Variants in VEPH1 observed in about 807,000 individuals in gnomAD.
The protein encoded by VEPH1 is ventricular zone expressed PH domain containing 1.
In VEPH1, 80 loss-of-function variants were observed where a neutral mutation model predicts 85.2. The ratio of observed to expected loss-of-function variants is 0.94; its 90% confidence interval spans 0.78 to 1.13. VEPH1 has a LOEUF of 1.13. Ranked by LOEUF, VEPH1 falls within the 50% of genes most tolerant of loss-of-function variation. The pLI is 0.00. For synonymous variants in VEPH1, 297 were observed against 348.0 expected (o/e 0.85, Z 1.63); for missense variants, 955 against 980.5 (o/e 0.97, Z 0.35).
chr3:157,481,891 T>C (rs763323073), intron 2 of VEPH1, among the ~76,000 whole-genome samples: 1 of 149,294 alleles, frequency 6.7e-6, no homozygotes, highest in African/African-American at 2.5e-5. Context: ...AAAACATTGC[T>C]AAGTTTTTGA....
At chr3:157,425,173 ACAACTT>A (rs1732660923) in intron 5 of VEPH1, among the ~76,000 whole-genome samples, 1 of 152,246 alleles carries the variant, frequency 6.6e-6, no homozygotes, top group Admixed American at 6.5e-5. Flanking sequence ...CCAAGCCTTT[ACAACTT>A]CCATGTGGTG....
At chr3:157,355,120 G>T (rs58287058) in intron 9 of VEPH1, among the ~76,000 whole-genome samples, 224 of 152,260 alleles carry the variant, frequency 1.5e-3, no homozygotes, top group African/African-American at 4.9e-3. Flanking sequence ...CTTCTCCAGG[G>T]AAGCTACTTT....
rs142080273 is a variant in VEPH1, at chr3:157,284,287, A to T, written c.2128+2270T>A. 2.0e-4 allele frequency among the ~76,000 whole-genome samples: 30 copies of T among 152,324 alleles called. No individual in the cohort carries two copies. The East Asian group carries it at 5.2e-3, about 26-fold the overall frequency. ...AAAGAAGTATGCTAGATTTTTTCGA[A>T]TACACCTTTTGGCTCTAACTGGATT... On this transcript the variant is annotated intron_variant, in intron 12 of 13. Transcript: ENST00000362010.
chr3:157,376,127 C>G (rs771855187), intron 7 of VEPH1, among the ~76,000 whole-genome samples: 1 of 152,134 alleles, frequency 6.6e-6, no homozygotes, highest in East Asian at 1.9e-4. Flanking sequence ...TCCTCTCTCC[C>G]TATCTTTTCT....
chr3:157,346,070 C>T (rs538844114), intron 9 of VEPH1, among the ~76,000 whole-genome samples: 1 of 152,058 alleles, frequency 6.6e-6, no homozygotes, highest in East Asian at 1.9e-4. Flanking sequence ...GGAGATATAC[C>T]TAATGTAAAT....
At position 157,438,029 on chromosome 3, in the gene VEPH1, G is replaced by GCA. The variant is rs1242214371; in HGVS notation, c.530-9542_530-9541insTG. 28 of 844,870 alleles carry GCA rather than the reference G, an allele frequency of 3.3e-5. No homozygotes were observed. The African/African-American group carries it at 5.2e-4, about 16-fold the overall frequency. 52.3% of individuals were successfully genotyped at this position (844,870 alleles called of 1,614,324 possible). On this transcript the variant is annotated intron_variant, in intron 4 of 13. Coordinates refer to ENST00000362010, the MANE Select transcript of VEPH1 (RefSeq NM_001167912.2). ...GGAAGCTTTCATGGGAAGCGCGCGC[G>GCA]CGCGCGCGCACACACACACACACAC...
At chr3:157,315,149 T>A (rs918576650) in intron 10 of VEPH1, among the ~76,000 whole-genome samples, 13 of 152,198 alleles carry the variant, frequency 8.5e-5, no homozygotes, top group Admixed American at 8.5e-4. Context: ...AGCACTGGTG[T>A]ATGAGACTAA....
At chr3:157,362,698 C>T (rs559500293) in intron 9 of VEPH1, among the ~76,000 whole-genome samples, 15 of 152,230 alleles carry the variant, frequency 9.9e-5, no homozygotes, top group Middle Eastern at 3.4e-3. Context: ...ATATGCTTTG[C>T]GTTAGGTAAT....
At chr3:157,386,221 A>T (rs931258009) in intron 6 of VEPH1, among the ~76,000 whole-genome samples, 1 of 117,454 alleles carries the variant, frequency 8.5e-6, no homozygotes, top group African/African-American at 3.3e-5. Context: ...ATTGTTCATT[A>T]GTTGTTACTT....
intron 9 of VEPH1, among the ~76,000 whole-genome samples, chr3:157,346,859 T>A (rs146381767): frequency 4.4e-4 from 67 of 152,282 alleles, no homozygotes; most frequent in African/African-American, 1.6e-3. Flanking sequence ...CAAGCTATCC[T>A]ATTGCCTCAG....
At position 157,350,567 on chromosome 3, in the gene VEPH1, A is replaced by G. The variant is rs528634852; in HGVS notation, c.1735+12797T>C. Among the ~76,000 whole-genome samples, 17 of 152,340 alleles carry G rather than the reference A, an allele frequency of 1.1e-4. No homozygotes were observed. The South Asian group carries it at 3.5e-3, about 32-fold the overall frequency. On this transcript the variant is annotated intron_variant, in intron 9 of 13. Coordinates refer to ENST00000362010, the MANE Select transcript of VEPH1 (RefSeq NM_001167912.2). Reference sequence around the variant, plus strand: ...TCTGCACAGCAAAGGAAATCAATCAACAGAATGAAAAGACAACCTACAAAA... The same window carrying G: ...TCTGCACAGCAAAGGAAATCAATCAGCAGAATGAAAAGACAACCTACAAAA...
chr3:157,363,268 C>G, intron 9 of VEPH1, 96 bp downstream of exon 9: 1 of 1,219,256 alleles, frequency 8.2e-7, no homozygotes, highest in Non-Finnish European at 1.1e-6. Flanking sequence ...TGCAAAAGAT[C>G]CAGAAAAGAG....
intron 5 of VEPH1, among the ~76,000 whole-genome samples, chr3:157,417,986 C>T (rs1400515591): frequency 6.6e-6 from 1 of 152,114 alleles, no homozygotes; most frequent in East Asian, 1.9e-4. Flanking sequence ...CATGTGAACA[C>T]CCCAGTCCAC....
intron 7 of VEPH1, among the ~76,000 whole-genome samples, chr3:157,379,555 A>T (rs567292228): frequency 1.3e-5 from 2 of 152,272 alleles, no homozygotes; most frequent in African/African-American, 4.8e-5. Context: ...GATGGTAAGG[A>T]TAGTACCTTA....
chr3:157,371,060 C>T (rs1027166085), intron 7 of VEPH1, among the ~76,000 whole-genome samples: 27 of 152,190 alleles, frequency 1.8e-4, no homozygotes, highest in African/African-American at 6.5e-4. Flanking sequence ...GTGGCTGCTG[C>T]TTAATGTGGA....
chr3:157,442,476 G>A, intron 4 of VEPH1: 1 of 1,614,210 alleles, frequency 6.2e-7, no homozygotes, highest in Non-Finnish European at 8.5e-7. Flanking sequence ...TTGGGTCAAA[G>A]CCACAGATGT....
intron 11 of VEPH1, among the ~76,000 whole-genome samples, chr3:157,306,267 C>A (rs1170025487): frequency 6.6e-6 from 1 of 152,074 alleles, no homozygotes; most frequent in South Asian, 2.1e-4. Context: ...TTTCTCCTTA[C>A]CCAAAGGCAA....
chr3:157,307,241 G>A (rs1286447854), intron 11 of VEPH1, among the ~76,000 whole-genome samples: 1 of 151,606 alleles, frequency 6.6e-6, no homozygotes, highest in Non-Finnish European at 1.5e-5. Flanking sequence ...TTTCTAAACA[G>A]GTATACCTAT....
At chr3:157,449,735 T>G (rs1734816195) in intron 4 of VEPH1, among the ~76,000 whole-genome samples, 1 of 152,206 alleles carries the variant, frequency 6.6e-6, no homozygotes, top group South Asian at 2.1e-4. Flanking sequence ...GTTGCTATTT[T>G]ATCAAAATTT....
Sources: gnomAD v4.1 joint callset for allele counts (sites outside exome capture counted in the v4.1 genomes callset) on GRCh38, gnomAD v4.1.1 for gene constraint, MANE v1.5 for transcripts, NCBI Gene and HGNC (gene_info 2026-07-23, HGNC 2026-07-21) for gene names.